Variants in ACLY observed in about 807,000 individuals in gnomAD.
ACLY encodes the protein ATP citrate lyase, also known as ATP-citrate synthase.
ACLY carries 41 observed loss-of-function variants against 133.0 expected under a neutral mutation model. The observed-to-expected ratio is 0.31, with a 90% CI of 0.24 to 0.40. The LOEUF is 0.40. Among genes scored for constraint, ACLY ranks in the 10% least tolerant of loss-of-function variants. ACLY has a pLI of 1.00. For synonymous variants in ACLY, 495 were observed against 549.3 expected, an observed-to-expected ratio of 0.90 and a Z score of 1.38; for missense variants, 1,046 against 1,453.8, an observed-to-expected ratio of 0.72 and a Z score of 4.56.
intron 18 of ACLY, among the ~76,000 whole-genome samples, chr17:41,884,671 G>A (rs1364653095): frequency 6.6e-6 from 1 of 152,120 alleles, no homozygotes; most frequent in East Asian, 1.9e-4. Flanking sequence ...GATCACCTGA[G>A]GTCAGGAGTT....
At chr17:41,871,630 C>A in intron 25 of ACLY, 59 bp downstream of exon 25, 1 of 1,603,594 alleles carries the variant, frequency 6.2e-7, no homozygotes, top group African/African-American at 1.3e-5. Flanking sequence ...GCTGTGATTA[C>A]AGGCATGGGC....
chr17:41,911,624 T>G (rs182164719), intron 3 of ACLY, among the ~76,000 whole-genome samples: 1 of 152,156 alleles, frequency 6.6e-6, no homozygotes. Context: ...GAGACCAGCC[T>G]GGGTAACATT....
intron 3 of ACLY, among the ~76,000 whole-genome samples, chr17:41,911,977 G>A (rs2049915836): frequency 6.6e-6 from 1 of 152,074 alleles, no homozygotes; most frequent in African/African-American, 2.4e-5. Context: ...AGCCAAGTAT[G>A]GTGCTGCATG....
chr17:41,918,961 C>T (rs1555634993), upstream of ACLY: 20 of 1,289,012 alleles, frequency 1.6e-5, no homozygotes, highest in Non-Finnish European at 1.8e-5. Flanking sequence ...CAGCCGGTAG[C>T]TTCCCGGGAT....
chr17:41,918,841 A>C, intron 1 of ACLY, 39 bp downstream of exon 1: 1 of 1,285,452 alleles, frequency 7.8e-7, no homozygotes, highest in African/African-American at 1.5e-5. Flanking sequence ...TCCTAGGGCG[A>C]GCGGGCTCCA....
chr17:41,928,019 G>C (rs184253341), intron 1 of ACLY, among the ~76,000 whole-genome samples: 310 of 152,060 alleles, frequency 2.0e-3, no homozygotes, highest in African/African-American at 6.4e-3. Flanking sequence ...CGTGTCTGTA[G>C]TCCCAGCTAC....
chr17:41,878,068 T>C (rs781949824), intron 22 of ACLY, 35 bp downstream of exon 22: 10 of 1,441,782 alleles, frequency 6.9e-6, no homozygotes, highest in Non-Finnish European at 9.3e-6. Context: ...CAGATCTCCC[T>C]TGCTCACACT....
chr17:41,908,214 T>C (rs2049784424), intron 6 of ACLY, among the ~76,000 whole-genome samples: 1 of 152,238 alleles, frequency 6.6e-6, no homozygotes, highest in East Asian at 1.9e-4. Context: ...TGAGAAGTCC[T>C]GGCCAGAGCC....
At chr17:41,880,690 A>G (rs782284447) in intron 20 of ACLY, among the ~76,000 whole-genome samples, 1 of 152,016 alleles carries the variant, frequency 6.6e-6, no homozygotes, top group Non-Finnish European at 1.5e-5. Flanking sequence ...GTGAAACCCC[A>G]TCTCTACTAA....
At chr17:41,898,015 T>C (rs1258132180) in intron 12 of ACLY, among the ~76,000 whole-genome samples, 176 bp from the exon 13 acceptor site, 2 of 152,342 alleles carry the variant, frequency 1.3e-5, no homozygotes, top group Non-Finnish European at 1.5e-5. Context: ...TATTATCCCA[T>C]GTTACAGATC....
chr17:41,915,725 C>G (rs1279839873), intron 1 of ACLY, among the ~76,000 whole-genome samples: 2 of 152,106 alleles, frequency 1.3e-5, no homozygotes, highest in Admixed American at 1.3e-4. Context: ...TCCTCCACCC[C>G]CCACCCACTG....
chr17:41,915,250 T>C (rs1291788741), intron 1 of ACLY, among the ~76,000 whole-genome samples: 3 of 151,704 alleles, frequency 2.0e-5, no homozygotes, highest in Admixed American at 1.3e-4. Flanking sequence ...TCGGGGGAGG[T>C]GGGCATGGAA....
intron 18 of ACLY, among the ~76,000 whole-genome samples, 166 bp from the exon 19 acceptor site, chr17:41,884,440 C>T (rs1555627848): frequency 6.6e-6 from 1 of 151,956 alleles, no homozygotes; most frequent in South Asian, 2.1e-4. Flanking sequence ...GGGAAGGTAG[C>T]AAATGGAACA....
chr17:41,919,296 C>T (rs1555635116), upstream of ACLY, among the ~76,000 whole-genome samples: 1 of 63,722 alleles, frequency 1.6e-5, no homozygotes, highest in Non-Finnish European at 3.3e-5. Context: ...GATTGCCACT[C>T]GGGGAGTTGG....
chr17:41,907,674 A>G (rs2049763189), intron 6 of ACLY, 102 bp from the exon 7 acceptor site: 3 of 1,363,688 alleles, frequency 2.2e-6, no homozygotes, highest in Non-Finnish European at 3.1e-6. Flanking sequence ...TGGCCCATTC[A>G]GGCCTCAGAA....
chr17:41,910,401 G>A (rs2049867309), intron 3 of ACLY, 117 bp from the exon 4 acceptor site: 3 of 843,852 alleles, frequency 3.6e-6, no homozygotes, highest in Non-Finnish European at 3.8e-6. Context: ...ACCCAGCAAA[G>A]AGAGATTTTT....
At chr17:41,887,540 G>C in intron 17 of ACLY, 59 bp downstream of exon 17, 1 of 1,410,394 alleles carries the variant, frequency 7.1e-7, no homozygotes, top group Non-Finnish European at 1.0e-6. Context: ...ACTTCCTAAG[G>C]GCATTGAACT....
intron 8 of ACLY, among the ~76,000 whole-genome samples, chr17:41,906,287 G>A (rs1280653514): frequency 6.6e-6 from 1 of 152,168 alleles, no homozygotes; most frequent in East Asian, 1.9e-4. Context: ...TATGGAGCAC[G>A]TAATTTTCAG....
intron 14 of ACLY, among the ~76,000 whole-genome samples, chr17:41,895,648 A>G (rs2049344752): frequency 6.6e-6 from 1 of 152,248 alleles, no homozygotes; most frequent in Non-Finnish European, 1.5e-5. Flanking sequence ...TTCAGAGCAC[A>G]GAGAGCTCCT....
Sources: allele counts gnomAD v4.1 joint callset (sites outside exome capture counted in the v4.1 genomes callset), GRCh38; gene constraint gnomAD v4.1.1; transcripts MANE v1.5; gene names NCBI Gene and HGNC (gene_info 2026-07-23, HGNC 2026-07-21).